NPAS3: variants seen among roughly 807,000 people sequenced by gnomAD.
The protein encoded by NPAS3 is neuronal PAS domain protein 3.
NPAS3 carries 14 observed loss-of-function variants against 73.1 expected under a neutral mutation model. The ratio of observed to expected loss-of-function variants is 0.19; its 90% CI spans 0.13 to 0.30. The LOEUF (loss-of-function observed/expected upper bound fraction) is 0.30. NPAS3 is among the 10% of genes least tolerant of loss of function. NPAS3 has a pLI of 1.00. For synonymous variants in NPAS3, 620 were observed against 541.5 expected (o/e 1.14, Z -2.01); for missense variants, 1,096 against 1,250.0 (o/e 0.88, Z 1.86).
At chr14:33,757,688 A>T (rs2062158111) in intron 7 of NPAS3, among the ~76,000 whole-genome samples, 1 of 152,188 alleles carries the variant, frequency 6.6e-6, no homozygotes, top group Non-Finnish European at 1.5e-5. Context: ...GACTGACTGG[A>T]TCTGGAAAAT....
Position 33,246,354 on chromosome 14 carries a change from A to C in NPAS3, c.385+30928A>C, listed in dbSNP as rs557123311. Among the ~76,000 whole-genome samples, 4 of 152,028 alleles carry C rather than the reference A, an allele frequency of 2.6e-5. No homozygotes were observed. The South Asian group carries it at 8.3e-4, about 32-fold the overall frequency. On this transcript the variant is annotated intron_variant, in intron 3 of 11. Transcript: ENST00000356141. ...GGAGATCCAGACCATCCTGGCTAAC[A>C]CGGTGAAACCCCGTCTCTACTAAAA...
chr14:33,399,912 C>T (rs2047378830), intron 4 of NPAS3, among the ~76,000 whole-genome samples: 1 of 152,088 alleles, frequency 6.6e-6, no homozygotes, highest in African/African-American at 2.4e-5. Context: ...GTTGCTTTAA[C>T]TCTGTACTTC....
At chr14:33,007,019 CT>C (rs367860875) in intron 1 of NPAS3, among the ~76,000 whole-genome samples, 9,600 of 152,198 alleles carry the variant, frequency 0.063, 387 homozygotes, top group Middle Eastern at 0.16. Flanking sequence ...TGAATTATGA[CT>C]TTTTTTGTTA....
intron 3 of NPAS3, among the ~76,000 whole-genome samples, chr14:33,264,189 G>T (rs542942251): frequency 6.6e-6 from 1 of 151,710 alleles, no homozygotes; most frequent in East Asian, 1.9e-4. Flanking sequence ...ACCAAACACC[G>T]CATGTTCTCA....
At chr14:33,395,382 G>T (rs1452342627) in intron 4 of NPAS3, among the ~76,000 whole-genome samples, 3 of 150,136 alleles carry the variant, frequency 2.0e-5, no homozygotes, top group Non-Finnish European at 2.9e-5. Context: ...ACTATATAAA[G>T]ATTATTACTA....
intron 5 of NPAS3, among the ~76,000 whole-genome samples, chr14:33,632,097 T>C (rs2058392887): frequency 6.6e-6 from 1 of 152,190 alleles, no homozygotes; most frequent in South Asian, 2.1e-4. Flanking sequence ...CAAGCTGTAA[T>C]TGACGATATT....
At chr14:33,352,703 C>A (rs568428891) in intron 3 of NPAS3, among the ~76,000 whole-genome samples, 22 of 152,236 alleles carry the variant, frequency 1.4e-4, no homozygotes, top group Admixed American at 1.4e-3. Flanking sequence ...TTTCAAGATT[C>A]TTTGATGGAT....
At chr14:33,119,295 T>C (rs549652743) in intron 2 of NPAS3, among the ~76,000 whole-genome samples, 79 of 152,204 alleles carry the variant, frequency 5.2e-4, no homozygotes, top group Non-Finnish European at 1.1e-3. Flanking sequence ...TCCACTGCCG[T>C]TATTTCTTAA....
intron 9 of NPAS3, among the ~76,000 whole-genome samples, chr14:33,792,581 C>CAAA (rs199708187): frequency 1.7e-4 from 22 of 126,228 alleles, no homozygotes; most frequent in African/African-American, 5.5e-4. Context: ...CACCCCCCTC[C>CAAA]AAAAAAAAAA....
At chr14:33,567,446 T>C (rs971147817) in intron 5 of NPAS3, among the ~76,000 whole-genome samples, 7 of 152,232 alleles carry the variant, frequency 4.6e-5, no homozygotes, top group Admixed American at 3.3e-4. Flanking sequence ...TGAAAATTGA[T>C]GCCTTTTTTA....
intron 2 of NPAS3, among the ~76,000 whole-genome samples, chr14:33,131,759 A>G (rs906459223): frequency 1.3e-5 from 2 of 152,192 alleles, no homozygotes; most frequent in African/African-American, 2.4e-5. Flanking sequence ...GGGCATGATT[A>G]ACACAAAATC....
At chr14:33,650,792 C>A (rs976850453) in intron 5 of NPAS3, among the ~76,000 whole-genome samples, 4 of 152,160 alleles carry the variant, frequency 2.6e-5, no homozygotes, top group African/African-American at 9.7e-5. Context: ...TGGTGCCAGG[C>A]CCATGCCTCT....
chr14:33,768,464 T>G (rs2062535766), intron 7 of NPAS3, among the ~76,000 whole-genome samples: 1 of 152,228 alleles, frequency 6.6e-6, no homozygotes, highest in Non-Finnish European at 1.5e-5. Flanking sequence ...AAATATGATC[T>G]ATAAGATCCC....
At chr14:33,327,133 A>G (rs1046454310) in intron 3 of NPAS3, among the ~76,000 whole-genome samples, 8 of 152,246 alleles carry the variant, frequency 5.3e-5, no homozygotes, top group Non-Finnish European at 8.8e-5. Context: ...AATTGTTAAT[A>G]TAGATATAGC....
chr14:33,188,790 C>G (rs751105742), intron 2 of NPAS3, among the ~76,000 whole-genome samples: 5 of 152,120 alleles, frequency 3.3e-5, no homozygotes, highest in Non-Finnish European at 5.9e-5. Flanking sequence ...GATGAATATT[C>G]CTGTATATCT....
intron 3 of NPAS3, among the ~76,000 whole-genome samples, chr14:33,223,156 C>G (rs2139722275): frequency 6.6e-6 from 1 of 152,172 alleles, no homozygotes; most frequent in South Asian, 2.1e-4. Flanking sequence ...CTAAAAAATA[C>G]AAAAATTAGC....
chr14:33,307,612 TTC>T (rs1491261238), intron 3 of NPAS3, among the ~76,000 whole-genome samples: 4 of 149,690 alleles, frequency 2.7e-5, no homozygotes, highest in Non-Finnish European at 5.9e-5. Flanking sequence ...TGTGTGTGTG[TTC>T]GTGTGCGTGC....
chr14:33,445,815 A>C (rs2049460989), intron 4 of NPAS3, among the ~76,000 whole-genome samples: 2 of 152,214 alleles, frequency 1.3e-5, no homozygotes, highest in South Asian at 4.1e-4. Context: ...TTGAATAACC[A>C]ACCCATTGTT....
chr14:33,566,581 T>C (rs577344218), intron 5 of NPAS3, among the ~76,000 whole-genome samples: 1 of 152,282 alleles, frequency 6.6e-6, no homozygotes, highest in Middle Eastern at 3.4e-3. Context: ...TTTTAGTTCA[T>C]AGTTCTTAGG....
Sources: allele counts gnomAD v4.1 joint callset (sites outside exome capture counted in the v4.1 genomes callset), GRCh38; gene constraint gnomAD v4.1.1; transcripts MANE v1.5; gene names NCBI Gene and HGNC (gene_info 2026-07-23, HGNC 2026-07-21).